The following CREBBP variants were observed in gnomAD, a reference collection of about 807,000 sequenced individuals.
CREBBP encodes CREB binding lysine acetyltransferase, also known as CREB-binding protein.
In CREBBP, 19 loss-of-function variants were observed where a neutral mutation model predicts 265.0. That is an observed-to-expected ratio of 0.07 (90% CI 0.05 to 0.11). The LOEUF (loss-of-function observed/expected upper bound fraction) is 0.11, where lower values mean the gene tolerates loss of function less well. Among genes scored for constraint, CREBBP ranks in the 10% least tolerant of loss-of-function variants. CREBBP has a pLI of 1.00. For synonymous variants in CREBBP, 1,457 were observed against 1,223.7 expected (o/e 1.19, Z -3.98); for missense variants, 2,525 against 3,219.0 (o/e 0.78, Z 5.22).
intron 1 of CREBBP, among the ~76,000 whole-genome samples, chr16:3,878,994 C>T (rs1245894105): frequency 6.7e-6 from 1 of 149,606 alleles, no homozygotes; most frequent in Non-Finnish European, 1.5e-5. Context: ...CAGTATCCTG[C>T]TCCATTTTTT....
chr16:3,743,315 T>C (rs2052261984), intron 23 of CREBBP: 2 of 152,250 alleles, frequency 1.3e-5, no homozygotes. Context: ...AGGAAAAGTA[T>C]TACAATAGTT....
chr16:3,739,260 A>C (rs1205878231), intron 25 of CREBBP, among the ~76,000 whole-genome samples: 1 of 152,182 alleles, frequency 6.6e-6, no homozygotes, highest in East Asian at 1.9e-4. Context: ...ACTGCACATG[A>C]AGCCCTCGTG....
At chr16:3,767,054 C>A (rs764063117) in intron 16 of CREBBP, among the ~76,000 whole-genome samples, 1 of 152,172 alleles carries the variant, frequency 6.6e-6, no homozygotes, top group South Asian at 2.1e-4. Flanking sequence ...TCCTGTCTCC[C>A]ATTTCTAAGG....
intron 26 of CREBBP, 174 bp from the exon 27 acceptor site, chr16:3,736,989 C>T (rs186646400): frequency 4.8e-5 from 36 of 744,504 alleles, no homozygotes; most frequent in Middle Eastern, 7.4e-4. Flanking sequence ...TTATCCTGAG[C>T]AAATGCAAGC....
intron 2 of CREBBP, among the ~76,000 whole-genome samples, chr16:3,832,708 T>C (rs570183986): frequency 1.6e-4 from 24 of 152,334 alleles, no homozygotes; most frequent in African/African-American, 5.5e-4. Context: ...CTGTTGTATA[T>C]GTAGTCTGCT....
intron 6 of CREBBP, 28 bp from the exon 7 acceptor site, chr16:3,781,334 A>T (rs949569189): frequency 6.3e-7 from 1 of 1,580,862 alleles, no homozygotes. Context: ...AAATCAATCA[A>T]CAGTTAAATT....
intron 16 of CREBBP, among the ~76,000 whole-genome samples, chr16:3,765,654 G>A (rs953500847): frequency 2.4e-4 from 36 of 152,082 alleles, no homozygotes; most frequent in Middle Eastern, 3.2e-3. Flanking sequence ...TTTATTATTA[G>A]TATTATTTTT....
At position 3,859,096 on chromosome 16, in the gene CREBBP, T is replaced by C. The variant is rs74323718; in HGVS notation, c.86-8087A>G. 9.6e-3 allele frequency among the ~76,000 whole-genome samples: 1,459 copies of C among 152,342 alleles called. 29 individuals carry two copies. The highest frequency in any genetic ancestry group is 0.033 in the African/African-American group (1,387 of 41,580). On this transcript the variant is annotated intron_variant, in intron 1 of 30. Coordinates refer to ENST00000262367, the MANE Select transcript of CREBBP (RefSeq NM_004380.3). ...TGGTTTCTTTAGATTGTCTTTTGCA[T>C]TACTTTTGTAATACTGTGACTATGT...
At chr16:3,869,108 C>T (rs2055239759) in intron 1 of CREBBP, among the ~76,000 whole-genome samples, 1 of 152,166 alleles carries the variant, frequency 6.6e-6, no homozygotes, top group Non-Finnish European at 1.5e-5. Context: ...TACTATCTGC[C>T]ATCTCCTATT....
intron 5 of CREBBP, among the ~76,000 whole-genome samples, chr16:3,785,323 G>A (rs1009079828): frequency 6.6e-6 from 1 of 152,226 alleles, no homozygotes; most frequent in Admixed American, 6.5e-5. Context: ...CAGACTCAGT[G>A]AGTACACTCT....
At chr16:3,835,701 T>A (rs1040907627) in intron 2 of CREBBP, among the ~76,000 whole-genome samples, 1 of 148,976 alleles carries the variant, frequency 6.7e-6, no homozygotes, top group South Asian at 2.2e-4. Flanking sequence ...TGCCTCAGCC[T>A]CCCGAGTAGC....
chr16:3,749,817 G>T, intron 20 of CREBBP, 134 bp from the exon 21 acceptor site: 1 of 629,256 alleles, frequency 1.6e-6, no homozygotes, highest in Non-Finnish European at 2.8e-6. Context: ...AAAATCTCAA[G>T]TACATGTAAT....
intron 2 of CREBBP, among the ~76,000 whole-genome samples, chr16:3,829,809 G>A (rs2054306957): frequency 6.6e-6 from 1 of 152,198 alleles, no homozygotes; most frequent in Non-Finnish European, 1.5e-5. Flanking sequence ...GCAGGAAGAT[G>A]TGACCCATAA....
intron 1 of CREBBP, among the ~76,000 whole-genome samples, chr16:3,877,402 G>C (rs960372908): frequency 2.0e-5 from 3 of 152,164 alleles, no homozygotes; most frequent in Admixed American, 6.6e-5. Flanking sequence ...AACAGACAAA[G>C]TGTCCCTCGT....
rs773829215 is a variant in CREBBP at position 3,782,690 on chromosome 16, G to C, written c.1567C>G (p.Pro523Ala). Residue 523 changes from proline to alanine, a missense_variant, in exon 6 of 31, where the codon CCC (proline) becomes GCC (alanine). Pro to Ala is a conservative substitution (Grantham distance 27). Coordinates refer to ENST00000262367, the MANE Select transcript of CREBBP (RefSeq NM_004380.3). ...TGAGAGTTCCTTCACCTACCCAGGGGGTTGAGAGTCCTCATCTGCTGGTGG... is the reference window on the plus strand; with the variant it reads ...TGAGAGTTCCTTCACCTACCCAGGGCGTTGAGAGTCCTCATCTGCTGGTGG... ...QTHQQMRTLN[P>A]LGNNPMNIPA... is the part of the protein sequence containing the mutation. 1.9e-6 allele frequency: 3 copies of C among 1,613,978 alleles called. No individual in the cohort carries two copies. The highest frequency in any genetic ancestry group is 2.5e-6 in the Non-Finnish European group (3 of 1,179,992).
chr16:3,729,707 C>G lies in CREBBP; in HGVS notation c.5340G>C (p.Val1780=), dbSNP rs1231868445. Residue 1780 remains valine, a synonymous_variant, in exon 31 of 31, where the codon GTG becomes GTC. Transcript: ENST00000262367. ...LSIQRCIQSL[V]HACQCRNANC... ...TGGCGTTGCGGCACTGGCACGCGTG[C>G]ACCAGCGACTGGATGCAGCGCTGGA... 6.2e-7 allele frequency: 1 copy of G among 1,611,858 alleles called. No individual in the cohort carries two copies. The highest frequency in any genetic ancestry group is 1.1e-5 in the South Asian group (1 of 91,030).
intron 1 of CREBBP, among the ~76,000 whole-genome samples, chr16:3,853,973 C>T (rs1055979332): frequency 2.0e-5 from 3 of 151,928 alleles, no homozygotes; most frequent in Non-Finnish European, 4.4e-5. Flanking sequence ...CACACACACA[C>T]ACACACACAC....
At chr16:3,808,794 T>A (rs1440892214) in intron 3 of CREBBP, among the ~76,000 whole-genome samples, 1 of 152,206 alleles carries the variant, frequency 6.6e-6, no homozygotes, top group Non-Finnish European at 1.5e-5. Flanking sequence ...GCTTTCACTA[T>A]GAAGCCAAAA....
At chr16:3,800,484 T>G (rs753213828) in intron 3 of CREBBP, among the ~76,000 whole-genome samples, 1 of 152,160 alleles carries the variant, frequency 6.6e-6, no homozygotes, top group Non-Finnish European at 1.5e-5. Flanking sequence ...CCTGCTTTGT[T>G]TTTTTAATTT....
Sources: allele counts gnomAD v4.1 joint callset (sites outside exome capture counted in the v4.1 genomes callset), GRCh38; gene constraint gnomAD v4.1.1; transcripts MANE v1.5; gene names NCBI Gene and HGNC (gene_info 2026-07-23, HGNC 2026-07-21).